The following GMPPA variants were observed in gnomAD, a reference collection of about 807,000 sequenced individuals.
GMPPA encodes GDP-mannose pyrophosphorylase A.
A neutral mutation model predicts 58.6 loss-of-function variants in GMPPA; 46 were observed. The observed-to-expected ratio is 0.78, with a 90% CI of 0.62 to 1.00. GMPPA has a LOEUF of 1.00. Ranked by LOEUF, GMPPA falls within the 50% of genes least tolerant of loss-of-function variation. GMPPA has a pLI of 0.00. For missense variants in GMPPA, 468 were observed against 556.4 expected (o/e 0.84, Z 1.60); for synonymous variants, 211 against 214.9 (o/e 0.98, Z 0.16).
Position 219,506,162 on chromosome 2 carries a change from G to A in GMPPA, c.993+90G>A, listed in dbSNP as rs565878918. 3.2e-5 allele frequency: 47 copies of A among 1,471,756 alleles called. No individual in the cohort carries two copies. In the South Asian group the frequency reaches 3.6e-4, roughly 11 times the overall value. The allele number at this position is 1,471,756 out of a possible 1,614,324, so 91.2% of individuals were successfully genotyped here. On this transcript the variant is annotated intron_variant, in intron 11 of 12. Transcript: ENST00000313597. ...CCCCCAAGAACAGAGAAGGGTGAAC[G>A]CCGTGGGCTCTGCATCTGGCCACAC... is the stretch of plus-strand genomic sequence containing the variant.
At position 219,502,544 on chromosome 2, in the gene GMPPA, C is replaced by A; in HGVS notation, c.489+103C>A. ...GGCACAGTATGGGGTGGGCTCTAGT[C>A]TTGTCAGACAGGTGAGACACTCCCG... On this transcript the variant is annotated intron_variant, in intron 6 of 12. Transcript: ENST00000313597. The surrounding 1 kb of genome is among the most constrained non-coding windows in gnomAD (Gnocchi z 4.0). 1 of 850,224 alleles carries A rather than the reference C, an allele frequency of 1.2e-6. No homozygotes were observed. 52.7% of individuals were successfully genotyped at this position (850,224 alleles called of 1,614,324 possible).
intron 1 of GMPPA, 48 bp downstream of exon 1, chr2:219,498,986 A>C (rs1304234250): frequency 1.3e-5 from 2 of 152,126 alleles, no homozygotes; most frequent in Admixed American, 1.3e-4. Context: ...GGGGCAGGGG[A>C]CACCCTCTAG....
rs1694537946 is a variant in GMPPA, at chr2:219,505,239, C to G, written c.632C>G (p.Pro211Arg). The change falls in exon 8 of 13, where the codon CCA becomes CGA. Residue 211 changes from proline to arginine, a missense_variant. Transcript: ENST00000313597. ...TTCCTCTCTGCCAGGGAGGACTCAC[C>G]AGGCTTGTGGCCAGGGGCAGGTACC... is the stretch of plus-strand genomic sequence containing the variant. ...NQQDGQLEDSPGLWPGAGTIR... is the reference protein window; with the variant it reads ...NQQDGQLEDSRGLWPGAGTIR... 1 of 1,613,828 alleles carries G rather than the reference C, an allele frequency of 6.2e-7. No individual in the cohort carries two copies. Among genetic ancestry groups the G allele is most frequent in the Non-Finnish European group, 8.5e-7 (1 of 1,179,812 alleles).
At chr2:219,504,569 T>G in intron 7 of GMPPA, 1 of 289,272 alleles carries the variant, frequency 3.5e-6, no homozygotes. Flanking sequence ...CAGACATGCA[T>G]ACTCTCAGGC....
chr2:219,502,417 C>G lies in GMPPA; in HGVS notation c.465C>G (p.Ile155Met), dbSNP rs779625170. 1.2e-6 allele frequency: 2 copies of G among 1,613,860 alleles called. No homozygotes were observed. Among genetic ancestry groups the G allele is most frequent in the South Asian group, 1.1e-5 (1 of 91,058 alleles). ...CGCAATCCCTCAACTACGGCTGCAT[C>G]GTTGAGAATCCACAGACACACGAGG... ...NRTQSLNYGC[I>M]VENPQTHEVL... Residue 155 changes from isoleucine (I) to methionine (M), a missense_variant, in exon 6 of 13, where the codon ATC becomes ATG. Physicochemically the swap from Ile to Met is conservative, Grantham distance 10. Transcript: ENST00000313597. This position sits in a 1 kb window ranked among gnomAD's most constrained non-coding sequence, Gnocchi z 4.0.
At chr2:219,500,271 G>A (rs1438665552) in intron 3 of GMPPA, 53 bp downstream of exon 3, 13 of 980,506 alleles carry the variant, frequency 1.3e-5, no homozygotes, top group Non-Finnish European at 2.1e-5. Flanking sequence ...TCTTCATGCT[G>A]TTTCCCCCTT....
intron 2 of GMPPA, 29 bp from the exon 3 acceptor site, chr2:219,500,092 C>A: frequency 6.3e-7 from 1 of 1,598,572 alleles, no homozygotes; most frequent in Non-Finnish European, 8.6e-7. Context: ...AGGCAGGAGG[C>A]CGAAATGTTC....
At chr2:219,504,431 G>T (rs1255096479) in intron 7 of GMPPA, 3 of 581,370 alleles carry the variant, frequency 5.2e-6, no homozygotes, top group Middle Eastern at 4.6e-4. Flanking sequence ...GTCACTGCCT[G>T]CCCACTCCCC....
chr2:219,501,787 G>A, intron 4 of GMPPA, 64 bp from the exon 5 acceptor site: 1 of 1,474,986 alleles, frequency 6.8e-7, no homozygotes, highest in Non-Finnish European at 9.4e-7. Context: ...GCGGTCAGGT[G>A]CCCTGGCTCA....
intron 11 of GMPPA, 30 bp from the exon 12 acceptor site, chr2:219,506,224 C>T: frequency 6.3e-7 from 1 of 1,586,408 alleles, no homozygotes; most frequent in Non-Finnish European, 8.6e-7. Context: ...CCTGCCTCTT[C>T]CCCTTACCTT....
At chr2:219,506,507 C>A in intron 12 of GMPPA, 85 bp downstream of exon 12, 1 of 1,348,540 alleles carries the variant, frequency 7.4e-7, no homozygotes, top group Non-Finnish European at 1.0e-6. Context: ...TCTGTGTGCA[C>A]GCGTGTTTCT....
intron 10 of GMPPA, 23 bp from the exon 11 acceptor site, chr2:219,505,956 TA>T: frequency 6.7e-7 from 1 of 1,496,872 alleles, no homozygotes; most frequent in South Asian, 1.2e-5. Flanking sequence ...CTCCAGGGCT[TA>T]TGGTGTGTGC....
intron 7 of GMPPA, 80 bp from the exon 8 acceptor site, chr2:219,505,148 C>A: frequency 6.7e-7 from 1 of 1,485,250 alleles, no homozygotes; most frequent in Non-Finnish European, 9.3e-7. Flanking sequence ...TCCTCCTACT[C>A]CTGTCCCTGG....
rs1288412400 is a variant in GMPPA, at chr2:219,504,068, C to T, written c.490-15C>T. On this transcript the variant is annotated splice_polypyrimidine_tract_variant and intron_variant, in intron 6 of 12. Transcript: ENST00000313597. ...AGTCCCTTCTTCTACTGAACCCAGCCTGCTCTGTCCTCAGGTATTGCACTA... is the reference window on the plus strand; with the variant it reads ...AGTCCCTTCTTCTACTGAACCCAGCTTGCTCTGTCCTCAGGTATTGCACTA... 14 of 1,613,846 alleles carry T rather than the reference C, an allele frequency of 8.7e-6. No homozygotes were observed. Among genetic ancestry groups the T allele is most frequent in the Non-Finnish European group, 1.1e-5 (13 of 1,179,868 alleles).
rs775535431 is a variant in GMPPA, at chr2:219,501,951, G to A, written c.343G>A (p.Ala115Thr). ...GSPEAFFVLN[A>T]DVCSDFPLSA... The stretch of plus-strand genomic sequence containing the variant: ...CCCCGAGGCATTCTTCGTGCTCAAT[G>A]CTGATGTCTGCTCCGACTTCCCCTT... The change falls in exon 5 of 13, where the codon GCT (alanine) becomes ACT (threonine). Residue 115 changes from alanine (A) to threonine (T), a missense_variant. By Grantham distance (58) the Ala-to-Thr change is moderately conservative. Transcript: ENST00000313597. The A allele has an allele frequency of 1.5e-5, 24 of 1,614,060 alleles. No individual in the cohort carries two copies. Among genetic ancestry groups the A allele is most frequent in the Admixed American group, 5.0e-5 (3 of 60,014 alleles).
At chr2:219,506,622 G>A in intron 12 of GMPPA, 76 bp from the exon 13 acceptor site, 1 of 1,007,002 alleles carries the variant, frequency 9.9e-7, no homozygotes. Context: ...CTCCCTCCCT[G>A]CTGGCAGTGG....
At position 219,501,974 on chromosome 2, in the gene GMPPA, C is replaced by T. The variant is rs186735505; in HGVS notation, c.366C>T (p.Pro122=). The T allele has an allele frequency of 6.2e-7, 1 of 1,614,092 alleles. No individual in the cohort carries two copies. The highest frequency in any genetic ancestry group is 8.5e-7 in the Non-Finnish European group (1 of 1,180,046). Residue 122 remains proline (P), a synonymous_variant, in exon 5 of 13, where the codon CCC becomes CCT. Transcript: ENST00000313597. ...ATGCTGATGTCTGCTCCGACTTCCC[C>T]TTGAGTGCTATGTTGGAAGCCCACC... ...VLNADVCSDF[P]LSAMLEAHRR...
intron 11 of GMPPA, 84 bp from the exon 12 acceptor site, chr2:219,506,170 C>CTCTG: frequency 6.7e-7 from 1 of 1,487,592 alleles, no homozygotes; most frequent in East Asian, 2.3e-5. Context: ...ACGCCGTGGG[C>CTCTG]TCTGCATCTG....
chr2:219,499,638 A>G lies in GMPPA; in HGVS notation c.-20-318A>G, dbSNP rs1458947996. On this transcript the variant is annotated intron_variant, in intron 1 of 12. Coordinates refer to ENST00000313597, the MANE Select transcript of GMPPA (RefSeq NM_013335.4). ...CTGTGAGGTTTGAAGGCCGACTGGA[A>G]TCTGGGTTGGGATTTGAGATGTGTG... 3 of 354,888 alleles carry G rather than the reference A, an allele frequency of 8.5e-6. No individual in the cohort carries two copies. The South Asian group carries it at 1.4e-4, about 16-fold the overall frequency. 22.0% of individuals were successfully genotyped at this position (354,888 alleles called of 1,614,324 possible). A position where few individuals can be genotyped will look rare whatever the true frequency, so the allele number is the denominator to read the frequency against.
Sources: allele counts gnomAD v4.1 joint callset, GRCh38; gene constraint gnomAD v4.1.1; non-coding constraint Gnocchi (gnomAD v3.1); transcripts MANE v1.5; gene names NCBI Gene and HGNC (gene_info 2026-07-23, HGNC 2026-07-21).